LRP1B: variants seen among roughly 807,000 people sequenced by gnomAD.
LRP1B encodes low-density lipoprotein receptor-related protein 1B.
A neutral mutation model predicts 556.6 loss-of-function variants in LRP1B; 217 were observed. The ratio of observed to expected loss-of-function variants is 0.39; its 90% confidence interval spans 0.35 to 0.44. The LOEUF (loss-of-function observed/expected upper bound fraction) is 0.44. Among genes scored for constraint, LRP1B ranks in the 20% least tolerant of loss-of-function variants. The probability of loss-of-function intolerance (pLI) is 1.00; values close to 1 mark genes in which losing one functional copy is unlikely to be tolerated. For missense variants in LRP1B, 5,053 were observed against 5,620.8 expected (o/e 0.90, Z 3.23); for synonymous variants, 2,047 against 1,865.8 (o/e 1.10, Z -2.50).
At chr2:141,001,148 A>T (rs1172698670) in intron 15 of LRP1B, among the ~76,000 whole-genome samples, 2 of 152,192 alleles carry the variant, frequency 1.3e-5, no homozygotes, top group African/African-American at 4.8e-5. Context: ...ATAAAGAACA[A>T]ACATAAAAAC....
rs374600308 is a variant in LRP1B at position 141,811,652 on chromosome 2, C to A, written c.83-1251G>T. ...TACTCAAACTATAGCTATTTCGTGA[C>A]AACTCATTTTATTTTATCCTATTAT... On this transcript the variant is annotated intron_variant, in intron 1 of 90. Coordinates refer to ENST00000389484, the MANE Select transcript of LRP1B (RefSeq NM_018557.3). 3.9e-5 allele frequency among the ~76,000 whole-genome samples: 6 copies of A among 151,962 alleles called. No individual in the cohort carries two copies. In the East Asian group the frequency reaches 5.8e-4, roughly 15 times the overall value.
At chr2:140,550,521 G>A (rs1680509703) in intron 43 of LRP1B, among the ~76,000 whole-genome samples, 1 of 152,080 alleles carries the variant, frequency 6.6e-6, no homozygotes, top group South Asian at 2.1e-4. Flanking sequence ...TCTTTCTTAA[G>A]TTCTCTTGTG....
intron 24 of LRP1B, among the ~76,000 whole-genome samples, chr2:140,884,318 C>A (rs1414912686): frequency 6.6e-6 from 1 of 152,054 alleles, no homozygotes; most frequent in Non-Finnish European, 1.5e-5. Context: ...AAAGTTATTT[C>A]TTGTTCCTGA....
At chr2:140,269,500 G>A (rs990813658) in intron 86 of LRP1B, 41 of 395,384 alleles carry the variant, frequency 1.0e-4, no homozygotes, top group Admixed American at 7.8e-4. Flanking sequence ...CCAGATATGC[G>A]CACTTCTCTC....
At chr2:141,231,200 A>G (rs895410868) in intron 5 of LRP1B, among the ~76,000 whole-genome samples, 1 of 152,236 alleles carries the variant, frequency 6.6e-6, no homozygotes, top group South Asian at 2.1e-4. Flanking sequence ...TACTATAACT[A>G]ATGGAAGTAA....
intron 43 of LRP1B, among the ~76,000 whole-genome samples, chr2:140,596,777 C>T (rs540441): frequency 2.0e-5 from 3 of 151,900 alleles, no homozygotes; most frequent in Admixed American, 6.6e-5. Context: ...TAGGTGTTCC[C>T]GAACAAGTAC....
At chr2:141,997,444 TACAC>T (rs148682019) in intron 1 of LRP1B, among the ~76,000 whole-genome samples, 15,506 of 136,602 alleles carry the variant, frequency 0.11, 988 homozygotes, top group Middle Eastern at 0.14. Context: ...TGTGTGTATA[TACAC>T]ACACACACAC....
chr2:141,270,800 C>A (rs1172218709), intron 3 of LRP1B, among the ~76,000 whole-genome samples: 1 of 151,736 alleles, frequency 6.6e-6, no homozygotes, highest in Non-Finnish European at 1.5e-5. Context: ...AAACAAGAAT[C>A]CATTACTTAA....
At chr2:141,794,187 T>A (rs1695724638) in intron 2 of LRP1B, among the ~76,000 whole-genome samples, 1 of 151,944 alleles carries the variant, frequency 6.6e-6, no homozygotes, top group Non-Finnish European at 1.5e-5. Flanking sequence ...TGAATGGGTT[T>A]TGACTTTGAT....
chr2:141,317,903 T>G (rs2105463988), intron 3 of LRP1B, among the ~76,000 whole-genome samples: 1 of 152,228 alleles, frequency 6.6e-6, no homozygotes, highest in African/African-American at 2.4e-5. Flanking sequence ...TTCTCAGCAT[T>G]AACTCAAAGG....
At chr2:142,036,141 C>G (rs986500593) in intron 1 of LRP1B, among the ~76,000 whole-genome samples, 1 of 151,586 alleles carries the variant, frequency 6.6e-6, no homozygotes, top group East Asian at 1.9e-4. Context: ...AGAACACCAC[C>G]CCAGGCCATC....
At chr2:141,806,197 T>G (rs1558887916) in intron 2 of LRP1B, among the ~76,000 whole-genome samples, 1 of 152,050 alleles carries the variant, frequency 6.6e-6, no homozygotes, top group Non-Finnish European at 1.5e-5. Flanking sequence ...TACCTCAGAA[T>G]AAAAGTGCCT....
intron 75 of LRP1B, among the ~76,000 whole-genome samples, chr2:140,355,684 T>A (rs62172969): frequency 0.023 from 3,539 of 152,002 alleles, 69 homozygotes; most frequent in Non-Finnish European, 0.031. Context: ...TACATTAATA[T>A]GAATATGAAT....
chr2:141,122,046 G>A (rs190040075), intron 7 of LRP1B, among the ~76,000 whole-genome samples: 2,863 of 152,148 alleles, frequency 0.019, 39 homozygotes, highest in Middle Eastern at 0.037. Context: ...CTGGCTAGCC[G>A]TATGTAGAAA....
chr2:141,119,669 A>T (rs1401743394), intron 7 of LRP1B, among the ~76,000 whole-genome samples: 1 of 151,798 alleles, frequency 6.6e-6, no homozygotes, highest in Non-Finnish European at 1.5e-5. Flanking sequence ...GCATGTCTTG[A>T]TAACATTTTA....
intron 7 of LRP1B, among the ~76,000 whole-genome samples, chr2:141,155,477 T>C (rs13009190): frequency 5.5e-5 from 3 of 54,972 alleles, no homozygotes; most frequent in Non-Finnish European, 8.0e-5. Flanking sequence ...TTTTTTTCTT[T>C]TTATTATTAT....
At chr2:140,341,015 A>C (rs1681364278) in intron 77 of LRP1B, among the ~76,000 whole-genome samples, 1 of 151,656 alleles carries the variant, frequency 6.6e-6, no homozygotes, top group South Asian at 2.1e-4. Flanking sequence ...TAGAAAAGTT[A>C]AGAGAAGCAA....
At chr2:140,573,808 C>A (rs1318606683) in intron 43 of LRP1B, among the ~76,000 whole-genome samples, 1 of 152,014 alleles carries the variant, frequency 6.6e-6, no homozygotes, top group Non-Finnish European at 1.5e-5. Flanking sequence ...TAGTTCCACT[C>A]CTGTGATTTT....
At chr2:141,346,185 A>G (rs1449188795) in intron 3 of LRP1B, among the ~76,000 whole-genome samples, 7 of 151,888 alleles carry the variant, frequency 4.6e-5, no homozygotes, top group Non-Finnish European at 7.4e-5. Flanking sequence ...AGCTTTTCAC[A>G]TTGATAGACT....
Sources: allele counts gnomAD v4.1 joint callset (sites outside exome capture counted in the v4.1 genomes callset), GRCh38; gene constraint gnomAD v4.1.1; transcripts MANE v1.5; gene names NCBI Gene and HGNC (gene_info 2026-07-23, HGNC 2026-07-21).